The following RGS8 variants were observed in gnomAD, a reference collection of about 807,000 sequenced individuals.
RGS8 encodes regulator of G-protein signaling 8.
In RGS8, 8 loss-of-function variants were observed where a neutral mutation model predicts 21.7. That is an observed-to-expected ratio of 0.37 (90% CI 0.22 to 0.66). RGS8 has a LOEUF of 0.66. RGS8 is among the 30% of genes least tolerant of loss of function. The pLI, the probability that RGS8 is intolerant of heterozygous loss-of-function variation, is 0.59. For missense variants in RGS8, 157 were observed against 217.9 expected (o/e 0.72, Z 1.76); for synonymous variants, 80 against 83.6 (o/e 0.96, Z 0.24).
At chr1:182,685,123 T>C (rs1223620477), upstream of RGS8, among the ~76,000 whole-genome samples, 3 of 147,174 alleles carry the variant, frequency 2.0e-5, no homozygotes, top group African/African-American at 7.5e-5. Context: ...CATGAAAGAG[T>C]GTAATGCATG....
intron 5 of RGS8, 107 bp downstream of exon 6, chr1:182,665,862 G>A (rs181995078): frequency 1.1e-6 from 1 of 883,036 alleles, no homozygotes; most frequent in African/African-American, 1.7e-5. Flanking sequence ...GCCCACAGAG[G>A]TCTGGAACAC....
chr1:182,687,250 A>G (rs1664731748), upstream of RGS8, among the ~76,000 whole-genome samples: 2 of 152,042 alleles, frequency 1.3e-5, no homozygotes, highest in Admixed American at 6.6e-5. Context: ...TATGTTGCCC[A>G]GGCTGGACTT....
At chr1:182,696,374 C>T in the RGS8 span, among the ~76,000 whole-genome samples, 1 of 151,934 alleles carries the variant, frequency 6.6e-6, no homozygotes, top group Non-Finnish European at 1.5e-5. Flanking sequence ...TGCTCAGAGA[C>T]TTATTGTATG....
chr1:182,694,661 A>T, the RGS8 span, among the ~76,000 whole-genome samples: 1 of 152,268 alleles, frequency 6.6e-6, no homozygotes, highest in African/African-American at 2.4e-5. Context: ...ACAAAAAATT[A>T]GCCAGATGTG....
the RGS8 span, among the ~76,000 whole-genome samples, chr1:182,735,323 A>G: frequency 6.6e-6 from 1 of 152,198 alleles, no homozygotes; most frequent in South Asian, 2.1e-4. Flanking sequence ...AGTCACTGCC[A>G]TTTTTTTAAA....
downstream of RGS8, chr1:182,642,180 G>C (rs1571295779): frequency 6.6e-6 from 1 of 152,370 alleles, no homozygotes; most frequent in Middle Eastern, 3.4e-3. Flanking sequence ...ACAGCATCTT[G>C]TGGAGTCCTG....
chr1:182,669,899 C>T (rs12406254), intron 2 of RGS8, 147 bp from the exon 4 acceptor site: 31,135 of 858,748 alleles, frequency 0.036, 1,023 homozygotes, highest in African/African-American at 0.12. Flanking sequence ...TTAGCAGGGG[C>T]GACAAACCAA....
chr1:182,740,544 GTTTGTTTTTTTTTTT>G, the RGS8 span, among the ~76,000 whole-genome samples: 3 of 103,322 alleles, frequency 2.9e-5, no homozygotes, highest in Admixed American at 3.1e-4. Context: ...TTTTTTGTTT[GTTTGTTTTTTTTTTT>G]TTTTTTTTTT....
chr1:182,750,397 C>A, the RGS8 span, among the ~76,000 whole-genome samples: 1 of 152,168 alleles, frequency 6.6e-6, no homozygotes, highest in African/African-American at 2.4e-5. Flanking sequence ...AGATCCTTGA[C>A]TTTACAGATG....
intron 5 of RGS8, among the ~76,000 whole-genome samples, chr1:182,650,290 G>A (rs1451573717): frequency 6.6e-6 from 1 of 152,098 alleles, no homozygotes; most frequent in Admixed American, 6.5e-5. Context: ...CACTGGCCAG[G>A]GTCATTTGAT....
exon 7 of RGS8, chr1:182,646,645 T>C: frequency 7.8e-7 from 1 of 1,284,160 alleles, no homozygotes; most frequent in Admixed American, 2.3e-5. Context: ...GCCACCGCTT[T>C]TGAACACCTA....
chr1:182,705,527 C>T, the RGS8 span, among the ~76,000 whole-genome samples: 9 of 151,984 alleles, frequency 5.9e-5, no homozygotes, highest in African/African-American at 2.2e-4. Flanking sequence ...AAAAAGAATC[C>T]CAAGATTTTT....
chr1:182,686,687 C>A (rs1039930503), upstream of RGS8, among the ~76,000 whole-genome samples: 1 of 152,008 alleles, frequency 6.6e-6, no homozygotes, highest in Non-Finnish European at 1.5e-5. Context: ...TAGGCCAGGG[C>A]AGAAGTGGAA....
chr1:182,655,435 A>G (rs1663228219), intron 5 of RGS8, among the ~76,000 whole-genome samples: 1 of 152,230 alleles, frequency 6.6e-6, no homozygotes, highest in South Asian at 2.1e-4. Context: ...GGGTGCGCAT[A>G]GGCAGGAGAA....
chr1:182,714,882 A>AT, the RGS8 span, among the ~76,000 whole-genome samples: 1 of 152,242 alleles, frequency 6.6e-6, no homozygotes, highest in Non-Finnish European at 1.5e-5. Flanking sequence ...GCATCTCTTC[A>AT]TCCAAATGTT....
At chr1:182,646,613 C>A in exon 7 of RGS8, 1 of 862,154 alleles carries the variant, frequency 1.2e-6, no homozygotes, top group Non-Finnish European at 1.8e-6. Context: ...TCCCTCCTCA[C>A]CCCCAGCCTC....
chr1:182,726,257 CT>C, the RGS8 span, among the ~76,000 whole-genome samples: 1 of 151,958 alleles, frequency 6.6e-6, no homozygotes, highest in East Asian at 1.9e-4. Flanking sequence ...ATTTACTAAG[CT>C]TTTCTCTGTA....
upstream of RGS8, among the ~76,000 whole-genome samples, chr1:182,685,091 CA>C (rs34359463): frequency 0.56 from 76,620 of 136,922 alleles, 20,005 homozygotes; most frequent in South Asian, 0.65. Context: ...CTCAAAGAGG[CA>C]AAAAAAAAAA....
At chr1:182,654,142 C>T (rs570214855) in intron 5 of RGS8, among the ~76,000 whole-genome samples, 1 of 152,308 alleles carries the variant, frequency 6.6e-6, no homozygotes, top group East Asian at 1.9e-4. Context: ...AAGTGGAATA[C>T]ATGGCCCAAT....
Sources: gnomAD v4.1 joint callset for allele counts (sites outside exome capture counted in the v4.1 genomes callset) on GRCh38, gnomAD v4.1.1 for gene constraint, MANE v1.5 for transcripts, NCBI Gene and HGNC (gene_info 2026-07-23, HGNC 2026-07-21) for gene names.